POLG: variants seen among roughly 807,000 people sequenced by gnomAD.
POLG encodes the protein DNA polymerase subunit gamma-1.
A neutral mutation model predicts 155.4 loss-of-function variants in POLG; 110 were observed. The ratio of observed to expected loss-of-function variants is 0.71; its 90% CI spans 0.61 to 0.83. The LOEUF (loss-of-function observed/expected upper bound fraction) is 0.83. Among genes scored for constraint, POLG ranks in the 40% least tolerant of loss-of-function variants. POLG has a pLI of 0.00. For synonymous variants in POLG, 701 were observed against 631.5 expected (o/e 1.11, Z -1.65); for missense variants, 1,685 against 1,627.5 (o/e 1.04, Z -0.61).
chr15:89,332,797 A>G (rs2141813663), intron 2 of POLG, among the ~76,000 whole-genome samples: 1 of 152,238 alleles, frequency 6.6e-6, no homozygotes, highest in South Asian at 2.1e-4. Context: ...AGAGGGGGTA[A>G]AGGCACCAAA....
At position 89,325,181 on chromosome 15, in the gene POLG, AGT is replaced by A. The variant is rs1352827165; in HGVS notation, c.1949+267_1949+268del. On this transcript the variant is annotated intron_variant, in intron 10 of 22. Transcript: ENST00000268124. ...GAGTGAGTGAGTGAGAGAGTGAGAG[AGT>A]GAGTGAGTGAGAGAGTGAGTGAGAG... 3.4e-4 allele frequency among the ~76,000 whole-genome samples: 31 copies of A among 90,384 alleles called. 3 individuals carry two copies. The highest frequency in any genetic ancestry group is 8.9e-4 in the African/African-American group (19 of 21,388). 59.3% of individuals were successfully genotyped at this position (90,384 alleles called of 152,430 possible). A position where few individuals can be genotyped will look rare whatever the true frequency, so the allele number is the denominator to read the frequency against.
chr15:89,317,728 G>T, intron 21 of POLG, 192 bp from the exon 22 acceptor site: 2 of 618,864 alleles, frequency 3.2e-6, no homozygotes, highest in Non-Finnish European at 5.8e-6. Context: ...CTCCCACTGA[G>T]ATACTGAAAT....
At position 89,328,692 on chromosome 15, in the gene POLG, T is replaced by C; in HGVS notation, c.1163A>G (p.Asn388Ser). The change falls in exon 5 of 23, where the codon AAC (asparagine) becomes AGC (serine). Residue 388 changes from asparagine (N) to serine (S), a missense_variant. Asn to Ser is a conservative substitution (Grantham distance 46). Transcript: ENST00000268124. Reference protein sequence around the residue: ...VKGTMKDIRENFQDLMQYCAQ... With the variant: ...VKGTMKDIRESFQDLMQYCAQ... ...CCCCCTCCAGCACCATACCTGGAAG[T>C]TCTCACGAATGTCCTTCATGGTGCC... 1 of 1,614,096 alleles carries C rather than the reference T, an allele frequency of 6.2e-7. No individual in the cohort carries two copies. The highest frequency in any genetic ancestry group is 8.5e-7 in the Non-Finnish European group (1 of 1,180,026).
rs1180013370 is a variant in POLG, at chr15:89,333,686, C to T, written c.69G>A (p.Gly23=). 10 of 1,545,696 alleles carry T rather than the reference C, an allele frequency of 6.5e-6. No individual in the cohort carries two copies. Among genetic ancestry groups the T allele is most frequent in the South Asian group, 4.7e-5 (4 of 85,416 alleles). The change falls in exon 2 of 23, where the codon GGG becomes GGA. Residue 23 remains glycine (G), a synonymous_variant. Transcript: ENST00000268124. ...CGGGGACGGAGCTGGAGACCCAGCG[C>T]CCCGGAGCTGGAACCGGCCCTGGCC... ...TVGPGPVPAP[G]RWVSSSVPAS...
rs1215574063 is a variant in POLG, at chr15:89,333,794, T to C, written c.-40A>G. 2 of 1,534,288 alleles carry C rather than the reference T, an allele frequency of 1.3e-6. No homozygotes were observed. Among genetic ancestry groups the C allele is most frequent in the African/African-American group, 2.7e-5 (2 of 73,112 alleles). On this transcript the variant is annotated 5_prime_UTR_variant, in exon 2 of 23. Coordinates refer to ENST00000268124, the MANE Select transcript of POLG (RefSeq NM_002693.3). Reference sequence around the variant, plus strand: ...CCCCCACGCTGGGAGTCAGAACACCTGGCTTTGGGCTCCAGCTTGGCTTCT... The same window carrying C: ...CCCCCACGCTGGGAGTCAGAACACCCGGCTTTGGGCTCCAGCTTGGCTTCT...
At chr15:89,321,487 G>A (rs1380243517) in intron 16 of POLG, among the ~76,000 whole-genome samples, 3 of 152,176 alleles carry the variant, frequency 2.0e-5, no homozygotes, top group Non-Finnish European at 4.4e-5. Context: ...CACCTACACG[G>A]TCCTATCTAA....
At position 89,321,217 on chromosome 15, in the gene POLG, G is replaced by A. The variant is rs375935084; in HGVS notation, c.2642C>T (p.Pro881Leu). ...GSELKAMVQA[P>L]PGYTLVGADV... The stretch of plus-strand genomic sequence containing the variant: ...AGCACCCACAAGGGTGTAGCCAGGT[G>A]GGGCCTGCACCATGGCTTTCAACTC... The change falls in exon 17 of 23, where the codon CCA becomes CTA. Residue 881 changes from proline (P) to leucine (L), a missense_variant. Transcript: ENST00000268124. 9.0e-5 allele frequency: 146 copies of A among 1,614,030 alleles called. No individual in the cohort carries two copies. Among genetic ancestry groups the A allele is most frequent in the Non-Finnish European group, 1.2e-4 (136 of 1,179,986 alleles).
At chr15:89,325,113 AGTGAGT>A (rs1421745450) in intron 10 of POLG, among the ~76,000 whole-genome samples, 1 of 49,754 alleles carries the variant, frequency 2.0e-5, no homozygotes, top group African/African-American at 1.0e-4. Flanking sequence ...AGTGAGAGAG[AGTGAGT>A]GAGTGAGTGA....
chr15:89,322,617 C>T (rs755113033), intron 14 of POLG, 125 bp downstream of exon 14: 15 of 1,049,220 alleles, frequency 1.4e-5, no homozygotes, highest in Admixed American at 8.5e-5. Context: ...GCACCAGGAC[C>T]AAAAGTAGCC....
chr15:89,323,852 T>C lies in POLG; in HGVS notation c.2120A>G (p.Asn707Ser). The stretch of plus-strand genomic sequence containing the variant: ...TTGACCTGGCACTGCAGCTCGCAAG[T>C]TCTCCATCTTGGCCTCAGCCTCCAC... Reference protein sequence around the residue: ...LEVEAEAKMENLRAAVPGQPL... With the variant: ...LEVEAEAKMESLRAAVPGQPL... The change falls in exon 12 of 23, where the codon AAC becomes AGC. Residue 707 changes from asparagine (N) to serine (S), a missense_variant. By Grantham distance (46) the Asn-to-Ser change is conservative. Around this residue, in one of 3 missense-constraint regions of POLG, gnomAD observed 1,210 missense variants for 1,167.1 expected, o/e 1.04. Coordinates refer to ENST00000268124, the MANE Select transcript of POLG (RefSeq NM_002693.3). 6.2e-7 allele frequency: 1 copy of C among 1,614,138 alleles called. No homozygotes were observed. The highest frequency in any genetic ancestry group is 8.5e-7 in the Non-Finnish European group (1 of 1,179,972).
chr15:89,320,103 C>T (rs2055372945), intron 18 of POLG, among the ~76,000 whole-genome samples: 1 of 152,248 alleles, frequency 6.6e-6, no homozygotes. Flanking sequence ...CATTTATAGT[C>T]ATCAACCACT....
intron 2 of POLG, chr15:89,332,436 T>A (rs2055605373): frequency 6.6e-6 from 1 of 152,110 alleles, no homozygotes; most frequent in South Asian, 2.1e-4. Flanking sequence ...AAAAAGAAAC[T>A]TGGGTAGCAC....
chr15:89,326,101 T>C lies in POLG; in HGVS notation c.1713-415A>G, dbSNP rs74031921. On this transcript the variant is annotated intron_variant, in intron 9 of 22. Coordinates refer to ENST00000268124, the MANE Select transcript of POLG (RefSeq NM_002693.3). ...ACCAGAGTTGAGCCCAGGGTGAGAC[T>C]AGCAAGGCACTCAGGACACTTGCTC... is the stretch of plus-strand genomic sequence containing the variant. 4.2e-3 allele frequency among the ~76,000 whole-genome samples: 643 copies of C among 152,250 alleles called. 7 individuals are homozygous for C. The highest frequency in any genetic ancestry group is 0.015 in the African/African-American group (615 of 41,534).
chr15:89,330,049 C>G (rs1400089013), intron 3 of POLG, 32 bp downstream of exon 3: 2 of 1,583,404 alleles, frequency 1.3e-6, no homozygotes, highest in East Asian at 4.5e-5. Context: ...CCATCCCATG[C>G]CAGAACCTGC....
Position 89,324,150 on chromosome 15 carries a change from G to A in POLG, c.2027C>T (p.Ala676Val), listed in dbSNP as rs376306906. Residue 676 changes from alanine (A) to valine (V), a missense_variant, in exon 11 of 23, where the codon GCG (alanine) becomes GTG (valine). Transcript: ENST00000268124. Reference sequence around the variant, plus strand: ...ATTGTCAGTGAGCAGGAACTCCTCCGCCAGGCCGGCCTCCTGGGGCATCAG... The same window carrying A: ...ATTGTCAGTGAGCAGGAACTCCTCCACCAGGCCGGCCTCCTGGGGCATCAG... Reference protein sequence around the residue: ...QQLMPQEAGLAEEFLLTDNSA... With the variant: ...QQLMPQEAGLVEEFLLTDNSA... 105 of 1,613,768 alleles carry A rather than the reference G, an allele frequency of 6.5e-5. No individual in the cohort carries two copies. The highest frequency in any genetic ancestry group is 3.2e-4 in the Admixed American group (19 of 60,006).
At chr15:89,320,631 A>T in intron 18 of POLG, 135 bp downstream of exon 18, 1 of 980,748 alleles carries the variant, frequency 1.0e-6, no homozygotes, top group Non-Finnish European at 1.5e-6. Context: ...GAACCAGGTT[A>T]CACAGGTGTG....
At chr15:89,332,817 T>A (rs150164063) in intron 2 of POLG, among the ~76,000 whole-genome samples, 1 of 152,134 alleles carries the variant, frequency 6.6e-6, no homozygotes, top group East Asian at 1.9e-4. Context: ...ATCACCGTGA[T>A]CTTAAGTGGC....
rs1406931016 is a variant in POLG, at chr15:89,328,509, G to A, written c.1197C>T (p.Asp399=). Residue 399 remains aspartate, a synonymous_variant, in exon 6 of 23, where the codon GAC becomes GAT. Coordinates refer to ENST00000268124, the MANE Select transcript of POLG (RefSeq NM_002693.3). ...FQDLMQYCAQ[D]VWATHEVFQQ... ...GGAAAACCTCATGGGTGGCCCACAC[G>A]TCCTGGGCACAGTACTGCATCAGGT... The A allele has an allele frequency of 5.6e-6, 9 of 1,613,748 alleles. No homozygotes were observed. Among genetic ancestry groups the A allele is most frequent in the South Asian group, 1.1e-5 (1 of 91,088 alleles).
Position 89,327,035 on chromosome 15 carries a change from G to A in POLG, c.1462C>T (p.Leu488=), listed in dbSNP as rs1320371431. The A allele has an allele frequency of 2.5e-6, 4 of 1,614,196 alleles. No individual in the cohort carries two copies. The South Asian group carries it at 4.4e-5, about 18-fold the overall frequency. ...RYKEDPWLWD[L]EWDLQEFKQK... is the part of the protein sequence containing the mutation. ...TTAAATTCTTGCAGGTCCCACTCCA[G>A]GTCCCAGAGCCAGGGGTCTTCTTTG... The change falls in exon 8 of 23, where the codon CTG becomes TTG. Residue 488 remains leucine (L), a synonymous_variant. Transcript: ENST00000268124.
Sources: allele counts gnomAD v4.1 joint callset (sites outside exome capture counted in the v4.1 genomes callset), GRCh38; gene constraint gnomAD v4.1.1; regional missense constraint gnomAD v4.1.1; transcripts MANE v1.5; gene names NCBI Gene and HGNC (gene_info 2026-07-23, HGNC 2026-07-21).